RBFOX1: variants seen among roughly 807,000 people sequenced by gnomAD.
The protein encoded by RBFOX1 is RNA binding protein fox-1 homolog 1.
RBFOX1 carries 8 observed loss-of-function variants against 57.7 expected under a neutral mutation model. That is an observed-to-expected ratio of 0.14 (90% CI 0.08 to 0.25). The LOEUF (loss-of-function observed/expected upper bound fraction) is 0.25. RBFOX1 is among the 10% of genes least tolerant of loss of function. The probability of loss-of-function intolerance (pLI) is 1.00; values close to 1 mark genes in which losing one functional copy is unlikely to be tolerated. For missense variants in RBFOX1, 611 were observed against 548.5 expected (o/e 1.11, Z -1.14); for synonymous variants, 326 against 222.4 (o/e 1.47, Z -4.15).
intron 2 of RBFOX1, among the ~76,000 whole-genome samples, chr16:6,440,759 C>T (rs147018765): frequency 5.2e-3 from 775 of 150,030 alleles, no homozygotes; most frequent in Non-Finnish European, 8.4e-3. Flanking sequence ...CGAGATCGTG[C>T]CAGTGTGCCT....
intron 4 of RBFOX1, among the ~76,000 whole-genome samples, chr16:7,091,501 C>A (rs1030028012): frequency 1.3e-5 from 2 of 151,708 alleles, no homozygotes; most frequent in Non-Finnish European, 2.9e-5. Context: ...CAGCATCTCT[C>A]CTTTTACCAA....
At chr16:5,992,737 C>T (rs987899506) in intron 4 of RBFOX1, among the ~76,000 whole-genome samples, 6 of 152,260 alleles carry the variant, frequency 3.9e-5, no homozygotes, top group South Asian at 2.1e-4. Flanking sequence ...AGTTCAAGAC[C>T]GGCCTGGCCA....
At chr16:7,325,717 A>G (rs901438569) in intron 4 of RBFOX1, among the ~76,000 whole-genome samples, 10 of 152,150 alleles carry the variant, frequency 6.6e-5, no homozygotes, top group African/African-American at 1.9e-4. Context: ...AGCTTTTCCT[A>G]TATTCCCATC....
chr16:5,648,746 C>T (rs1007413650), intron 3 of RBFOX1, among the ~76,000 whole-genome samples: 2 of 152,148 alleles, frequency 1.3e-5, no homozygotes, highest in African/African-American at 2.4e-5. Context: ...TGTCTACCTC[C>T]TCTTTTTATT....
chr16:5,840,790 T>A (rs961642692), intron 3 of RBFOX1, among the ~76,000 whole-genome samples: 2 of 152,074 alleles, frequency 1.3e-5, no homozygotes, highest in Non-Finnish European at 1.5e-5. Flanking sequence ...GAGTTCCCTA[T>A]CATGGAAAAC....
At chr16:7,493,983 C>T (rs1165671926) in intron 4 of RBFOX1, among the ~76,000 whole-genome samples, 5 of 152,118 alleles carry the variant, frequency 3.3e-5, no homozygotes, top group Admixed American at 3.3e-4. Flanking sequence ...TTTGAAGAAC[C>T]ACACTGATAA....
At chr16:7,176,383 G>A (rs1361052247) in intron 4 of RBFOX1, among the ~76,000 whole-genome samples, 1 of 151,882 alleles carries the variant, frequency 6.6e-6, no homozygotes, top group Non-Finnish European at 1.5e-5. Flanking sequence ...TGTACTTTGT[G>A]ACTATAATTT....
intron 2 of RBFOX1, among the ~76,000 whole-genome samples, chr16:6,435,633 A>C (rs143846851): frequency 3.9e-5 from 6 of 152,268 alleles, no homozygotes; most frequent in African/African-American, 9.6e-5. Context: ...ATCTACCCCC[A>C]GCAAGATTTA....
At chr16:7,336,349 A>T (rs1322038283) in intron 4 of RBFOX1, among the ~76,000 whole-genome samples, 1 of 152,256 alleles carries the variant, frequency 6.6e-6, no homozygotes, top group Non-Finnish European at 1.5e-5. Flanking sequence ...CCTCATAGAT[A>T]TGCCCTTGGG....
chr16:6,970,846 A>G (rs541518130), intron 3 of RBFOX1, among the ~76,000 whole-genome samples: 67 of 152,316 alleles, frequency 4.4e-4, no homozygotes, highest in Non-Finnish European at 7.4e-4. Context: ...TTCAGCATCA[A>G]TAGAAGAAAG....
At chr16:6,068,709 T>A (rs2095798260) in intron 1 of RBFOX1, among the ~76,000 whole-genome samples, 1 of 152,140 alleles carries the variant, frequency 6.6e-6, no homozygotes, top group Non-Finnish European at 1.5e-5. Flanking sequence ...AGATGAGAAG[T>A]TAATCACTTA....
intron 3 of RBFOX1, among the ~76,000 whole-genome samples, chr16:6,678,766 T>G (rs1295964376): frequency 2.0e-5 from 3 of 152,098 alleles, no homozygotes; most frequent in Non-Finnish European, 2.9e-5. Flanking sequence ...TACCACTGAC[T>G]TGAAGCTTTG....
At chr16:6,770,877 C>G (rs911598171) in intron 3 of RBFOX1, among the ~76,000 whole-genome samples, 3 of 152,158 alleles carry the variant, frequency 2.0e-5, no homozygotes, top group African/African-American at 7.2e-5. Context: ...TAATGCAACA[C>G]AGTTGTCAGT....
chr16:5,974,216 A>T (rs949459511), intron 4 of RBFOX1, among the ~76,000 whole-genome samples: 1 of 152,196 alleles, frequency 6.6e-6, no homozygotes, highest in African/African-American at 2.4e-5. Flanking sequence ...CAACTGCTTC[A>T]GCTGTTCCTG....
At position 7,031,768 on chromosome 16, in the gene RBFOX1, C is replaced by T. The variant is rs117056344; in HGVS notation, c.-15-20289C>T. On this transcript the variant is annotated intron_variant, in intron 3 of 15. Transcript: ENST00000550418. Reference sequence around the variant, plus strand: ...CCTCAAACAACATCCCGTGTTTTACCCACTGCAGAGAAGATGCAGATGGCT... The same window carrying T: ...CCTCAAACAACATCCCGTGTTTTACTCACTGCAGAGAAGATGCAGATGGCT... 5.3e-3 allele frequency among the ~76,000 whole-genome samples: 809 copies of T among 152,140 alleles called. 10 individuals are homozygous for T. The highest frequency in any genetic ancestry group is 0.024 in the East Asian group (125 of 5,158).
At chr16:6,754,117 A>T (rs1214254630) in intron 3 of RBFOX1, among the ~76,000 whole-genome samples, 2 of 152,224 alleles carry the variant, frequency 1.3e-5, no homozygotes, top group African/African-American at 4.8e-5. Flanking sequence ...GTGCAAAGAC[A>T]TATCATTTCA....
chr16:5,452,415 AT>A (rs1331179833), intron 1 of RBFOX1, among the ~76,000 whole-genome samples: 1 of 151,516 alleles, frequency 6.6e-6, no homozygotes, highest in African/African-American at 2.4e-5. Context: ...GGGCTGATTC[AT>A]CCCTCTATTC....
intron 2 of RBFOX1, among the ~76,000 whole-genome samples, chr16:6,502,657 G>A (rs549191342): frequency 1.3e-5 from 2 of 152,184 alleles, no homozygotes; most frequent in African/African-American, 4.8e-5. Flanking sequence ...GTTTGTATGT[G>A]GAACTTTTCT....
chr16:6,104,125 C>T (rs1286565219), intron 1 of RBFOX1, among the ~76,000 whole-genome samples: 1 of 140,648 alleles, frequency 7.1e-6, no homozygotes, highest in Admixed American at 7.3e-5. Context: ...AGGTTTCTCC[C>T]AGTTGAAACA....
Sources: allele counts gnomAD v4.1 joint callset (sites outside exome capture counted in the v4.1 genomes callset), GRCh38; gene constraint gnomAD v4.1.1; transcripts MANE v1.5; gene names NCBI Gene and HGNC (gene_info 2026-07-23, HGNC 2026-07-21).